IL1RAPL1: variants seen among roughly 807,000 people sequenced by gnomAD.
The protein encoded by IL1RAPL1 is interleukin 1 receptor accessory protein like 1, also known as interleukin-1 receptor accessory protein-like 1.
In IL1RAPL1, 3 loss-of-function variants were observed where a neutral mutation model predicts 48.4. That is an observed-to-expected ratio of 0.06 (90% CI 0.03 to 0.16). The LOEUF is 0.16. Among genes scored for constraint, IL1RAPL1 ranks in the 10% least tolerant of loss-of-function variants. The pLI is 1.00. For synonymous variants in IL1RAPL1, 185 were observed against 187.7 expected (o/e 0.99, Z 0.12); for missense variants, 349 against 530.6 (o/e 0.66, Z 3.36).
intron 5 of IL1RAPL1, among the ~76,000 whole-genome samples, chrX:29,401,834 C>A (rs1933996733): frequency 9.0e-6 from 1 of 111,006 alleles, no homozygotes; most frequent in Non-Finnish European, 1.9e-5. Flanking sequence ...ACTGGTTCAA[C>A]AAAACAGATC....
chrX:28,745,451 G>A (rs1455257504), intron 1 of IL1RAPL1, among the ~76,000 whole-genome samples: 9 of 111,771 alleles, frequency 8.1e-5, no homozygotes, highest in Non-Finnish European at 1.7e-4. Flanking sequence ...AAATAGGTAG[G>A]GCAGAGCAAG....
chrX:28,650,523 C>A (rs7053985), intron 1 of IL1RAPL1, among the ~76,000 whole-genome samples: 11,816 of 111,148 alleles, frequency 0.11, 688 homozygotes, highest in African/African-American at 0.23. Context: ...CATGTCCCTC[C>A]GACAACGTGG....
chrX:29,756,283 T>G (rs925829576), intron 6 of IL1RAPL1, among the ~76,000 whole-genome samples: 2 of 112,037 alleles, frequency 1.8e-5, no homozygotes, highest in Non-Finnish European at 3.8e-5. Context: ...TATGGGAAAA[T>G]TGGGAAGTAT....
chrX:28,963,227 T>C (rs1924832515), intron 2 of IL1RAPL1, among the ~76,000 whole-genome samples: 1 of 111,628 alleles, frequency 9.0e-6, no homozygotes. Context: ...ATTTTTATTC[T>C]TTTGAGTGCA....
chrX:29,378,712 G>C (rs867502372), intron 3 of IL1RAPL1, among the ~76,000 whole-genome samples: 1 of 112,333 alleles, frequency 8.9e-6, no homozygotes, highest in Middle Eastern at 4.6e-3. Flanking sequence ...CAGTAGATAG[G>C]CTCTTACTCA....
chrX:29,638,268 C>CTTT (rs775877178), intron 5 of IL1RAPL1, among the ~76,000 whole-genome samples: 4 of 93,355 alleles, frequency 4.3e-5, no homozygotes, highest in African/African-American at 7.8e-5. Context: ...CACCAATTAA[C>CTTT]TTTTTTTTTT....
At chrX:29,421,664 T>C (rs1251440847) in intron 5 of IL1RAPL1, among the ~76,000 whole-genome samples, 1 of 111,796 alleles carries the variant, frequency 8.9e-6, no homozygotes, top group Non-Finnish European at 1.9e-5. Flanking sequence ...GTGTGTAAGA[T>C]GGAGAAGCAA....
intron 1 of IL1RAPL1, among the ~76,000 whole-genome samples, chrX:28,670,853 C>G (rs994125538): frequency 1.1e-4 from 12 of 112,041 alleles, no homozygotes; most frequent in African/African-American, 3.6e-4. Context: ...GTGAAAATAA[C>G]TAAACTACCA....
At chrX:28,747,572 CAG>C (rs1212358564) in intron 1 of IL1RAPL1, among the ~76,000 whole-genome samples, 1 of 111,805 alleles carries the variant, frequency 8.9e-6, no homozygotes, top group East Asian at 2.8e-4. Context: ...ACCTGAGAGA[CAG>C]AGGTTGCAGT....
intron 5 of IL1RAPL1, among the ~76,000 whole-genome samples, chrX:29,463,263 T>C (rs1436279698): frequency 9.0e-6 from 1 of 111,211 alleles, no homozygotes; most frequent in Non-Finnish European, 1.9e-5. Context: ...TATGTAATAT[T>C]GGATGGTATA....
chrX:28,799,008 A>G (rs1936644878), intron 2 of IL1RAPL1, among the ~76,000 whole-genome samples: 1 of 112,066 alleles, frequency 8.9e-6, no homozygotes, highest in Non-Finnish European at 1.9e-5. Flanking sequence ...GTTCCTTTCA[A>G]CAAAGTAATA....
intron 3 of IL1RAPL1, among the ~76,000 whole-genome samples, chrX:29,341,908 G>C (rs1933082135): frequency 9.0e-6 from 1 of 110,816 alleles, no homozygotes; most frequent in Non-Finnish European, 1.9e-5. Flanking sequence ...CCGGGTTCAA[G>C]AGATTCTCCT....
At chrX:29,336,269 CAT>C (rs57126796) in intron 3 of IL1RAPL1, among the ~76,000 whole-genome samples, 4,267 of 57,434 alleles carry the variant, frequency 0.074, 457 homozygotes, top group African/African-American at 0.25. Context: ...ATATATATGC[CAT>C]ATATATATAT....
chrX:29,505,148 A>G (rs1602268643), intron 5 of IL1RAPL1, among the ~76,000 whole-genome samples: 1 of 111,866 alleles, frequency 8.9e-6, no homozygotes, highest in Admixed American at 9.5e-5. Flanking sequence ...TTTTAGCTAC[A>G]TCCCCCCACA....
intron 6 of IL1RAPL1, among the ~76,000 whole-genome samples, chrX:29,791,497 C>T (rs1351734819): frequency 4.7e-5 from 5 of 105,576 alleles, no homozygotes; most frequent in Non-Finnish European, 9.7e-5. Context: ...GATCTCGGCT[C>T]ACTGCAACCT....
intron 1 of IL1RAPL1, among the ~76,000 whole-genome samples, chrX:28,626,985 A>G (rs1352944260): frequency 2.7e-5 from 3 of 111,922 alleles, no homozygotes; most frequent in Non-Finnish European, 5.6e-5. Flanking sequence ...AACTGATGCT[A>G]TACTCTCCCC....
chrX:29,147,779 G>A (rs963131595), intron 2 of IL1RAPL1, among the ~76,000 whole-genome samples: 10 of 111,555 alleles, frequency 9.0e-5, no homozygotes, highest in Non-Finnish European at 1.9e-4. Context: ...CTAATCATAC[G>A]AACTTAGAAA....
chrX:28,824,411 T>G (rs769696546), intron 2 of IL1RAPL1, among the ~76,000 whole-genome samples: 3 of 111,652 alleles, frequency 2.7e-5, no homozygotes, highest in South Asian at 7.4e-4. Flanking sequence ...TGTATCTCAA[T>G]GGTGACTTCT....
chrX:29,233,399 T>G (rs1163514672), intron 2 of IL1RAPL1, among the ~76,000 whole-genome samples: 3 of 112,008 alleles, frequency 2.7e-5, no homozygotes, highest in African/African-American at 9.7e-5. Context: ...GTATTTCAGT[T>G]AAAGGGGCTT....
Sources: gnomAD v4.1 joint callset for allele counts (sites outside exome capture counted in the v4.1 genomes callset) on GRCh38, gnomAD v4.1.1 for gene constraint, MANE v1.5 for transcripts, NCBI Gene and HGNC (gene_info 2026-07-23, HGNC 2026-07-21) for gene names.